The following EPHB1 variants were observed in gnomAD, a reference collection of about 807,000 sequenced individuals.
EPHB1 encodes ephrin type-B receptor 1.
Under a neutral mutation model 94.4 loss-of-function variants are expected in EPHB1, and 30 were observed. The observed-to-expected ratio is 0.32, with a 90% CI of 0.24 to 0.43. EPHB1 has a LOEUF of 0.43. EPHB1 is among the 20% of genes least tolerant of loss of function. The pLI, the probability that EPHB1 is intolerant of heterozygous loss-of-function variation, is 1.00. For missense variants in EPHB1, 1,055 were observed against 1,308.3 expected, an observed-to-expected ratio of 0.81 and a Z score of 2.99; for synonymous variants, 522 against 489.1, an observed-to-expected ratio of 1.07 and a Z score of -0.89.
At chr3:134,990,476 C>A (rs565898583) in intron 3 of EPHB1, among the ~76,000 whole-genome samples, 7 of 152,200 alleles carry the variant, frequency 4.6e-5, no homozygotes, top group African/African-American at 1.7e-4. Context: ...TGAGCCGTTT[C>A]TTTGTTCAGA....
chr3:135,026,302 G>C (rs1320285717), intron 3 of EPHB1, among the ~76,000 whole-genome samples: 344 of 130,748 alleles, frequency 2.6e-3, no homozygotes, highest in African/African-American at 9.3e-3. Flanking sequence ...CCTATGTCCT[G>C]AATGGTAATG....
chr3:135,140,384 A>C (rs779228054), intron 5 of EPHB1, among the ~76,000 whole-genome samples: 11 of 152,248 alleles, frequency 7.2e-5, no homozygotes, highest in Non-Finnish European at 1.5e-4. Context: ...TATTGTGTCC[A>C]GATAGGCGTC....
intron 3 of EPHB1, among the ~76,000 whole-genome samples, chr3:135,009,139 AC>A (rs892179699): frequency 8.6e-5 from 13 of 151,884 alleles, no homozygotes; most frequent in Non-Finnish European, 1.6e-4. Context: ...GTGATTAGAA[AC>A]CCTGGCTGCA....
chr3:134,946,787 T>C (rs1017966620), intron 2 of EPHB1, among the ~76,000 whole-genome samples: 4 of 98,508 alleles, frequency 4.1e-5, no homozygotes, highest in Admixed American at 1.9e-4. Flanking sequence ...GTGACATGCC[T>C]GCTCCTCCAC....
At chr3:135,081,401 A>G (rs892497497) in intron 3 of EPHB1, among the ~76,000 whole-genome samples, 6 of 152,210 alleles carry the variant, frequency 3.9e-5, no homozygotes, top group Admixed American at 2.6e-4. Flanking sequence ...AACTCTCACG[A>G]GGATGGAGAG....
In EPHB1 at chr3:134,982,300, G is replaced by C. The variant is rs186308482; in HGVS notation, c.805+30248G>C. Among the ~76,000 whole-genome samples the C allele has an allele frequency of 4.6e-5, 7 of 152,210 alleles. No individual in the cohort carries two copies. The East Asian group carries it at 7.7e-4, about 17-fold the overall frequency. On this transcript the variant is annotated intron_variant, in intron 3 of 15. Transcript: ENST00000398015. ...ATCATTGGATTCCTTTTTGATGAAT[G>C]AATAAAGGAGGGAGAGAAAGAGAGG...
At chr3:135,015,785 G>C (rs1935778388) in intron 3 of EPHB1, among the ~76,000 whole-genome samples, 1 of 152,176 alleles carries the variant, frequency 6.6e-6, no homozygotes, top group Non-Finnish European at 1.5e-5. Context: ...GCTTTAGCTG[G>C]ATAGTCTGGG....
intron 3 of EPHB1, among the ~76,000 whole-genome samples, chr3:135,042,260 G>C (rs1280916596): frequency 6.6e-6 from 1 of 152,134 alleles, no homozygotes; most frequent in Non-Finnish European, 1.5e-5. Flanking sequence ...CCACTTCTGT[G>C]ATAATATCCT....
chr3:135,022,222 G>A (rs940441827), intron 3 of EPHB1, among the ~76,000 whole-genome samples: 6 of 152,020 alleles, frequency 3.9e-5, no homozygotes, highest in Admixed American at 6.5e-5. Flanking sequence ...CCCCTGCCTC[G>A]GCCTCCCAAA....
At chr3:135,141,271 C>T (rs2107690330) in intron 5 of EPHB1, among the ~76,000 whole-genome samples, 1 of 151,652 alleles carries the variant, frequency 6.6e-6, no homozygotes, top group South Asian at 2.1e-4. Context: ...GAAACGGTGA[C>T]GTATGTTGCC....
intron 3 of EPHB1, among the ~76,000 whole-genome samples, chr3:134,952,377 ACACACACACACACT>A (rs1021378060): frequency 8.0e-6 from 1 of 124,802 alleles, no homozygotes; most frequent in African/African-American, 3.5e-5. Flanking sequence ...TCTCTCACAC[ACACACACACACACT>A]CACACACACA....
chr3:135,074,260 G>C (rs1228669354), intron 3 of EPHB1, among the ~76,000 whole-genome samples: 1 of 152,178 alleles, frequency 6.6e-6, no homozygotes, highest in Non-Finnish European at 1.5e-5. Context: ...TCAGTGGAGT[G>C]TTTAAATATC....
chr3:134,889,294 T>A (rs2037920511), intron 1 of EPHB1, among the ~76,000 whole-genome samples: 1 of 151,994 alleles, frequency 6.6e-6, no homozygotes, highest in South Asian at 2.1e-4. Flanking sequence ...CTTTTTTTTT[T>A]AGTAGATTGC....
chr3:135,198,591 A>G (rs1942681941), intron 11 of EPHB1, among the ~76,000 whole-genome samples: 1 of 152,036 alleles, frequency 6.6e-6, no homozygotes, highest in African/African-American at 2.4e-5. Context: ...AGGATGTTTC[A>G]CACACACACC....
intron 12 of EPHB1, among the ~76,000 whole-genome samples, chr3:135,207,177 A>G (rs748184046): frequency 7.2e-5 from 11 of 152,142 alleles, no homozygotes; most frequent in Non-Finnish European, 1.3e-4. Context: ...TTCTGTACAC[A>G]TTATTTGGAT....
intron 3 of EPHB1, among the ~76,000 whole-genome samples, chr3:135,027,152 A>G (rs1936213971): frequency 6.6e-6 from 1 of 150,648 alleles, no homozygotes; most frequent in African/African-American, 2.4e-5. Context: ...CAATCATGTC[A>G]TCTGCAAACA....
At chr3:134,882,288 G>A (rs1405252463) in intron 1 of EPHB1, among the ~76,000 whole-genome samples, 1 of 152,144 alleles carries the variant, frequency 6.6e-6, no homozygotes, top group Non-Finnish European at 1.5e-5. Flanking sequence ...AAACTTGTCA[G>A]AAATTAACAA....
chr3:134,807,915 G>C (rs899865652), intron 1 of EPHB1, among the ~76,000 whole-genome samples: 1 of 152,178 alleles, frequency 6.6e-6, no homozygotes, highest in Non-Finnish European at 1.5e-5. Context: ...CCCAGATCAA[G>C]CATGGAGGGT....
chr3:135,200,303 G>A (rs1480973547), intron 11 of EPHB1, among the ~76,000 whole-genome samples: 2 of 152,160 alleles, frequency 1.3e-5, no homozygotes, highest in East Asian at 1.9e-4. Context: ...ACCAGAGGGA[G>A]GGCATCCACC....
Sources: allele counts gnomAD v4.1 joint callset (sites outside exome capture counted in the v4.1 genomes callset), GRCh38; gene constraint gnomAD v4.1.1; transcripts MANE v1.5; gene names NCBI Gene and HGNC (gene_info 2026-07-23, HGNC 2026-07-21).